SARS2: variants seen among roughly 807,000 people sequenced by gnomAD.
The protein encoded by SARS2 is serine--tRNA ligase, mitochondrial.
Under a neutral mutation model 66.8 loss-of-function variants are expected in SARS2, and 52 were observed. That is an observed-to-expected ratio of 0.78 (90% CI 0.62 to 0.98). The LOEUF (loss-of-function observed/expected upper bound fraction) is 0.98, where lower values mean the gene tolerates loss of function less well. SARS2 is among the 50% of genes least tolerant of loss of function. The pLI, the probability that SARS2 is intolerant of heterozygous loss-of-function variation, is 0.00. For synonymous variants in SARS2, 306 were observed against 281.4 expected (o/e 1.09, Z -0.87); for missense variants, 673 against 706.3 (o/e 0.95, Z 0.53).
chr19:38,929,870 T>C (rs1974699960), intron 1 of SARS2, among the ~76,000 whole-genome samples: 1 of 152,244 alleles, frequency 6.6e-6, no homozygotes, highest in Non-Finnish European at 1.5e-5. Flanking sequence ...CGGTCCTAAT[T>C]CCCTTTTATA....
intron 1 of SARS2, among the ~76,000 whole-genome samples, chr19:38,927,613 C>A (rs1974651008): frequency 6.6e-6 from 1 of 152,040 alleles, no homozygotes; most frequent in Admixed American, 6.6e-5. Flanking sequence ...TTTTGAGGAA[C>A]TGCCATACGG....
At chr19:38,922,056 C>G in intron 3 of SARS2, 182 bp downstream of exon 3, 4 of 1,562,390 alleles carry the variant, frequency 2.6e-6, no homozygotes, top group Non-Finnish European at 3.5e-6. Flanking sequence ...AAATATGGAG[C>G]CAGCACCTGG....
intron 5 of SARS2, among the ~76,000 whole-genome samples, chr19:38,921,084 TACAG>T (rs1974525007): frequency 5.4e-5 from 8 of 149,170 alleles, no homozygotes; most frequent in African/African-American, 2.0e-4. Context: ...GACACACAGA[TACAG>T]ACACACATGA....
chr19:38,928,930 C>T (rs532522737), intron 1 of SARS2, among the ~76,000 whole-genome samples: 18 of 152,266 alleles, frequency 1.2e-4, no homozygotes, highest in African/African-American at 4.3e-4. Context: ...TGTTAAATGT[C>T]TTTTAGTGGG....
In SARS2 at chr19:38,922,203, C is replaced by A. The variant is rs933989071; in HGVS notation, c.393+35G>T. 13 of 1,612,972 alleles carry A rather than the reference C, an allele frequency of 8.1e-6. No individual in the cohort carries two copies. In the Middle Eastern group the frequency reaches 4.9e-4, roughly 61 times the overall value. On this transcript the variant is annotated intron_variant, in intron 3 of 15. Transcript: ENST00000221431. ...GGCAGGGTATCCTCCCTGCCCACCC[C>A]CAACCCTGGATAGGACATCAACTCT...
chr19:38,917,646 C>G, intron 12 of SARS2, 78 bp downstream of exon 12: 2 of 927,798 alleles, frequency 2.2e-6, no homozygotes, highest in African/African-American at 3.3e-5. Context: ...GGTTCCAGAG[C>G]GAAGAGCAGC....
intron 14 of SARS2, 46 bp downstream of exon 14, chr19:38,915,991 A>T (rs1200333752): frequency 6.2e-7 from 1 of 1,612,292 alleles, no homozygotes; most frequent in South Asian, 1.1e-5. Context: ...AGGGCGGCAG[A>T]GGCTGCGGGC....
At chr19:38,920,970 GACACACACAA>G (rs1974517263) in intron 5 of SARS2, among the ~76,000 whole-genome samples, 2 of 134,172 alleles carry the variant, frequency 1.5e-5, no homozygotes, top group South Asian at 2.5e-4. Context: ...CACAGATACA[GACACACACAA>G]ACACAGACAC....
intron 2 of SARS2, among the ~76,000 whole-genome samples, 159 bp from the exon 3 acceptor site, chr19:38,922,426 T>C (rs901027328): frequency 6.6e-5 from 10 of 152,172 alleles, no homozygotes; most frequent in Non-Finnish European, 1.0e-4. Flanking sequence ...TGTTTCTCTA[T>C]TGCTAACGCT....
Position 38,930,550 on chromosome 19 carries a change from A to G in SARS2, c.187T>C (p.Phe63Leu), listed in dbSNP as rs1974720875. 5.0e-6 allele frequency: 8 copies of G among 1,613,584 alleles called. No individual in the cohort carries two copies. Among genetic ancestry groups the G allele is most frequent in the Middle Eastern group, 1.6e-4 (1 of 6,084 alleles). The change falls in exon 1 of 16, where the codon TTC (phenylalanine) becomes CTC (leucine). Residue 63 changes from phenylalanine (F) to leucine (L), a missense_variant. Transcript: ENST00000221431. ...GCGGCCTCTTCTGGGCATGCGCAGA[A>G]CCGCTCTATGTCCAGCTGAGGGAGT... ...SALPQLDIERFCACPEEAAHA... is the reference protein window; with the variant it reads ...SALPQLDIERLCACPEEAAHA...
rs1297973355 is a variant in SARS2, at chr19:38,915,637, G to A, written c.1526C>T (p.Pro509Leu). 1.2e-6 allele frequency: 2 copies of A among 1,613,118 alleles called. No individual in the cohort carries two copies. The highest frequency in any genetic ancestry group is 3.3e-5 in the Admixed American group (2 of 60,016). ...QYIGPNQPRK[P>L]GLPGQPAVS The stretch of plus-strand genomic sequence containing the variant: ...TACAGCAGGCTGGCCAGGCAGCCCA[G>A]GCTTCCGGGGCTGGTTGGGGCCGAT... Residue 509 changes from proline to leucine, a missense_variant, in exon 16 of 16, where the codon CCT (proline) becomes CTT (leucine). Pro to Leu is a moderately conservative substitution (Grantham distance 98). Coordinates refer to ENST00000221431, the MANE Select transcript of SARS2 (RefSeq NM_017827.4).
chr19:38,926,697 A>T (rs1258015516), intron 1 of SARS2, among the ~76,000 whole-genome samples: 1 of 152,154 alleles, frequency 6.6e-6, no homozygotes, highest in East Asian at 1.9e-4. Context: ...GAGGCACGAG[A>T]ATCGCTTGAA....
chr19:38,920,340 T>C (rs1974497560), intron 5 of SARS2, among the ~76,000 whole-genome samples, 191 bp from the exon 6 acceptor site: 1 of 138,384 alleles, frequency 7.2e-6, no homozygotes, highest in Non-Finnish European at 1.6e-5. Flanking sequence ...GGGAGGGAGA[T>C]AAAAACAGAG....
At position 38,922,271 on chromosome 19, in the gene SARS2, G is replaced by A. The variant is rs1300975251; in HGVS notation, c.364-4C>T. The A allele has an allele frequency of 1.2e-6, 2 of 1,614,072 alleles. No homozygotes were observed. Among genetic ancestry groups the A allele is most frequent in the East Asian group, 4.5e-5 (2 of 44,888 alleles). ...CTTCACCACTGTCCTGGTTTGCCTG[G>A]TAGAAAAGAGACAGGGTGGGTGATT... On this transcript the variant is annotated splice_polypyrimidine_tract_variant and splice_region_variant and intron_variant, in intron 2 of 15. Transcript: ENST00000221431.
At position 38,930,573 on chromosome 19, in the gene SARS2, A is replaced by G. The variant is rs1405906377; in HGVS notation, c.164T>C (p.Leu55Pro). The G allele has an allele frequency of 1.9e-6, 3 of 1,613,832 alleles. No homozygotes were observed. Among genetic ancestry groups the G allele is most frequent in the Non-Finnish European group, 8.5e-7 (1 of 1,180,006 alleles). ...YEYAREGYSA[L>P]PQLDIERFCA... is the part of the protein sequence containing the mutation. ...GAACCGCTCTATGTCCAGCTGAGGGAGTGCGCTGTAGCCCTCGCGCGCATA... is the reference window on the plus strand; with the variant it reads ...GAACCGCTCTATGTCCAGCTGAGGGGGTGCGCTGTAGCCCTCGCGCGCATA... Residue 55 changes from leucine (L) to proline (P), a missense_variant, in exon 1 of 16, where the codon CTC becomes CCC. Leu to Pro is a moderately conservative substitution (Grantham distance 98). Transcript: ENST00000221431.
intron 1 of SARS2, 23 bp downstream of exon 1, chr19:38,930,447 C>A (rs368663569): frequency 5.2e-5 from 83 of 1,581,110 alleles, no homozygotes; most frequent in African/African-American, 6.7e-5. Context: ...TCTGCGCCCC[C>A]CGGCCGGCGC....
chr19:38,920,501 G>A (rs1194162017), intron 5 of SARS2, among the ~76,000 whole-genome samples: 1 of 151,828 alleles, frequency 6.6e-6, no homozygotes, highest in Non-Finnish European at 1.5e-5. Context: ...CAGAGTTGGG[G>A]AGAAAAAGCC....
intron 2 of SARS2, among the ~76,000 whole-genome samples, chr19:38,922,727 C>T (rs542786575): frequency 6.6e-6 from 1 of 152,224 alleles, no homozygotes; most frequent in African/African-American, 2.4e-5. Flanking sequence ...CTCACGAGAT[C>T]TGATGGTTTA....
At chr19:38,920,292 CGGAAAGGGAG>C (rs890260365) in intron 5 of SARS2, 143 bp from the exon 6 acceptor site, 10 of 691,562 alleles carry the variant, frequency 1.4e-5, no homozygotes, top group Non-Finnish European at 2.1e-5. Context: ...GAAGAAGACA[CGGAAAGGGAG>C]GGAAAGGGAA....
Sources: gnomAD v4.1 joint callset for allele counts (sites outside exome capture counted in the v4.1 genomes callset) on GRCh38, gnomAD v4.1.1 for gene constraint, MANE v1.5 for transcripts, NCBI Gene and HGNC (gene_info 2026-07-23, HGNC 2026-07-21) for gene names.